Variants in MFN2 observed in about 807,000 individuals in gnomAD.
The protein encoded by MFN2 is mitofusin 2.
Under a neutral mutation model 87.5 loss-of-function variants are expected in MFN2, and 43 were observed. The observed-to-expected ratio is 0.49, with a 90% CI of 0.38 to 0.63. The LOEUF is 0.63. MFN2 is among the 30% of genes least tolerant of loss of function. The probability of loss-of-function intolerance (pLI) is 0.00; values close to 1 mark genes in which losing one functional copy is unlikely to be tolerated. For synonymous variants in MFN2, 337 were observed against 359.9 expected (o/e 0.94, Z 0.72); for missense variants, 743 against 972.8 (o/e 0.76, Z 3.14).
rs1557515779 is a variant in MFN2, at chr1:11,989,187, C to G, written c.19C>G (p.Arg7Gly). Residue 7 changes from arginine to glycine, a missense_variant, in exon 3 of 19, where the codon CGA (arginine) becomes GGA (glycine). Around this residue, in one of 3 missense-constraint regions of MFN2, gnomAD observed 31 missense variants for 23.2 expected, o/e 1.33. Transcript: ENST00000235329. MSLLFS[R>G]CNSIVTVKKN... ...CAGCGCAATGTCCCTGCTCTTCTCT[C>G]GATGCAACTCTATCGTCACAGTCAA... 5.6e-6 allele frequency: 9 copies of G among 1,614,074 alleles called. No individual in the cohort carries two copies. Among genetic ancestry groups the G allele is most frequent in the Non-Finnish European group, 7.6e-6 (9 of 1,180,026 alleles).
At chr1:11,986,233 T>C (rs1221089454) in intron 2 of MFN2, among the ~76,000 whole-genome samples, 3 of 152,234 alleles carry the variant, frequency 2.0e-5, no homozygotes, top group African/African-American at 7.2e-5. Flanking sequence ...TTTCTGCTTT[T>C]CAGGACCTTG....
At chr1:11,999,139 G>A in intron 8 of MFN2, 44 bp downstream of exon 8, 1 of 1,534,858 alleles carries the variant, frequency 6.5e-7, no homozygotes, top group Non-Finnish European at 9.0e-7. Flanking sequence ...AACCCCGAGG[G>A]AGCACTGCCT....
Position 12,004,216 on chromosome 1 carries a change from A to T in MFN2, c.1287+98A>T. On this transcript the variant is annotated intron_variant, in intron 12 of 18. Transcript: ENST00000235329. This position sits in a 1 kb window ranked among gnomAD's most constrained non-coding sequence, Gnocchi z 4.2. ...CCTCTTAGGGACTTCTCAGCCTTTC[A>T]GAAGAAAGTTGTGGCCCTGTTTCAA... 6.6e-7 allele frequency: 1 copy of T among 1,521,894 alleles called. No individual in the cohort carries two copies. The highest frequency in any genetic ancestry group is 9.0e-7 in the Non-Finnish European group (1 of 1,110,626). 94.3% of individuals were successfully genotyped at this position (1,521,894 alleles called of 1,614,324 possible).
intron 8 of MFN2, 137 bp downstream of exon 8, chr1:11,999,232 T>C (rs1639067383): frequency 7.8e-6 from 6 of 771,600 alleles, no homozygotes; most frequent in Non-Finnish European, 1.3e-5. Flanking sequence ...CCAAATACTC[T>C]TCTGTGGTAT....
In MFN2 at chr1:12,003,664, CAAAA is replaced by C. The variant is rs60299433; in HGVS notation, c.1161-315_1161-312del. 7.9e-6 allele frequency among the ~76,000 whole-genome samples: 1 copy of C among 127,280 alleles called. No homozygotes were observed. Among genetic ancestry groups the C allele is most frequent in the Non-Finnish European group, 1.7e-5 (1 of 58,256 alleles). The allele number at this position is 127,280 out of a possible 152,430, so 83.5% of individuals were successfully genotyped here. A position where few individuals can be genotyped will look rare whatever the true frequency, so the allele number is the denominator to read the frequency against. On this transcript the variant is annotated intron_variant, in intron 11 of 18. Coordinates refer to ENST00000235329, the MANE Select transcript of MFN2 (RefSeq NM_014874.4). This position sits in a 1 kb window ranked among gnomAD's most constrained non-coding sequence, Gnocchi z 4.1. Reference sequence around the variant, plus strand: ...GGGCAACAAGAGTGAAACTCCATCTCAAAAAAAAAAAAAAAATCATTTCTGTGAT... The same window carrying C: ...GGGCAACAAGAGTGAAACTCCATCTCAAAAAAAAAAAATCATTTCTGTGAT...
chr1:12,001,727 C>T (rs1639183867), intron 9 of MFN2, 42 bp from the exon 10 acceptor site: 2 of 1,611,340 alleles, frequency 1.2e-6, no homozygotes, highest in Non-Finnish European at 1.7e-6. Context: ...TTTTCCTCTG[C>T]TGCCAAGTTG....
Position 12,011,789 on chromosome 1 carries a change from A to G in MFN2, c.*224A>G. The G allele has an allele frequency of 1.7e-6, 1 of 603,510 alleles. No homozygotes were observed. The highest frequency in any genetic ancestry group is 2.8e-5 in the East Asian group (1 of 35,784). The allele number at this position is 603,510 out of a possible 1,614,324, so 37.4% of individuals were successfully genotyped here. On this transcript the variant is annotated 3_prime_UTR_variant, in exon 19 of 19. Coordinates refer to ENST00000235329, the MANE Select transcript of MFN2 (RefSeq NM_014874.4). ...GCTCATACCCCCAAAGGACACTTTC[A>G]GCGACAGCTATGGACAGCATGGTAC...
rs749714655 is a variant in MFN2 at position 11,996,243 on chromosome 1, C to T, written c.399C>T (p.Phe133=). The change falls in exon 5 of 19, where the codon TTC becomes TTT. Residue 133 remains phenylalanine (F), a synonymous_variant. Transcript: ENST00000235329. ...PSGIGHTTNC[F]LRVEGTDGHE... is the part of the protein sequence containing the mutation. ...GGATTGGCCACACCACCAATTGCTT[C>T]CTGCGGGTAGAGGGCACAGATGGCC... The T allele has an allele frequency of 6.8e-6, 11 of 1,614,226 alleles. No individual in the cohort carries two copies. Among genetic ancestry groups the T allele is most frequent in the Non-Finnish European group, 9.3e-6 (11 of 1,180,034 alleles).
chr1:11,981,306 A>G (rs1645980069), intron 1 of MFN2, among the ~76,000 whole-genome samples: 2 of 152,166 alleles, frequency 1.3e-5, no homozygotes, highest in Non-Finnish European at 2.9e-5. Context: ...GGAGTTGGAG[A>G]CCAGCCTGGC....
intron 2 of MFN2, among the ~76,000 whole-genome samples, chr1:11,987,237 G>A (rs1166070687): frequency 6.6e-6 from 1 of 151,828 alleles, no homozygotes; most frequent in Non-Finnish European, 1.5e-5. Context: ...GCTTGAACCT[G>A]GGAGGTGGAG....
chr1:11,987,374 A>T (rs556541781), intron 2 of MFN2, among the ~76,000 whole-genome samples: 1 of 151,722 alleles, frequency 6.6e-6, no homozygotes, highest in Non-Finnish European at 1.5e-5. Context: ...TCATGCCTGT[A>T]ATCCCAGCAC....
chr1:11,992,780 G>C, intron 4 of MFN2, 90 bp downstream of exon 4: 2 of 1,507,820 alleles, frequency 1.3e-6, no homozygotes, highest in Non-Finnish European at 1.8e-6. Flanking sequence ...TCCAGGCAGG[G>C]ACATGCTTCA....
intron 11 of MFN2, 145 bp downstream of exon 11, chr1:12,002,248 A>T (rs1029585724): frequency 7.3e-7 from 1 of 1,374,560 alleles, no homozygotes; most frequent in Non-Finnish European, 1.0e-6. Flanking sequence ...CCACCAGACC[A>T]TGTTAGAACC....
In MFN2 at chr1:12,004,117, A is replaced by T; in HGVS notation, c.1286A>T (p.Gln429Leu). The T allele has an allele frequency of 6.2e-7, 1 of 1,614,046 alleles. No homozygotes were observed. The change falls in exon 12 of 19, where the codon CAG becomes CTG. Residue 429 changes from glutamine to leucine, a missense_variant and splice_region_variant. Gln to Leu is a moderately radical substitution (Grantham distance 113). This residue lies in a region of MFN2 where 571 missense variants were observed against 670.7 expected (regional missense o/e 0.85). Transcript: ENST00000235329. The surrounding 1 kb of genome is among the most constrained non-coding windows in gnomAD (Gnocchi z 4.2). ...CAGATTACGGAGGAAGTGGAGAGGC[A>T]GGTGAGAAATGAGGAGGAGGCATTC... ...IKQITEEVER[Q>L]VSTAMAEEIR... is the part of the protein sequence containing the mutation.
At chr1:11,995,327 G>A (rs1638864087) in intron 4 of MFN2, among the ~76,000 whole-genome samples, 1 of 152,112 alleles carries the variant, frequency 6.6e-6, no homozygotes, top group Non-Finnish European at 1.5e-5. Context: ...TGAAAGGGGT[G>A]TGATAGGTAA....
chr1:12,005,468 C>T (rs951837455), intron 14 of MFN2, among the ~76,000 whole-genome samples: 2 of 152,210 alleles, frequency 1.3e-5, no homozygotes, highest in African/African-American at 2.4e-5. Context: ...TGGGCCTGCT[C>T]CTTTAAGTCC....
At chr1:11,988,636 A>G (rs1224376854) in intron 2 of MFN2, among the ~76,000 whole-genome samples, 1 of 152,024 alleles carries the variant, frequency 6.6e-6, no homozygotes, top group Non-Finnish European at 1.5e-5. Flanking sequence ...CCTGGGCTCA[A>G]GTGACCCTCC....
At chr1:11,991,910 C>A (rs369301591) in intron 3 of MFN2, among the ~76,000 whole-genome samples, 2,354 of 96,248 alleles carry the variant, frequency 0.024, 101 homozygotes, top group African/African-American at 0.093. Flanking sequence ...GGCGACAGAG[C>A]GAGACTCCGT....
chr1:12,013,269 C>T lies in MFN2; in HGVS notation c.*1704C>T, dbSNP rs1196256602. 7.4e-6 allele frequency: 3 copies of T among 408,002 alleles called. No individual in the cohort carries two copies. The highest frequency in any genetic ancestry group is 8.3e-5 in the East Asian group (1 of 11,996). The allele number at this position is 408,002 out of a possible 1,614,324, so 25.3% of individuals were successfully genotyped here. On this transcript the variant is annotated 3_prime_UTR_variant, in exon 19 of 19. Coordinates refer to ENST00000235329, the MANE Select transcript of MFN2 (RefSeq NM_014874.4). ...CCTGGGGAATGAATGAAATTTTGAG[C>T]TTCTTCAATACGTAAAATTAAATTT...
Sources: gnomAD v4.1 joint callset for allele counts (sites outside exome capture counted in the v4.1 genomes callset) on GRCh38, gnomAD v4.1.1 for gene constraint, gnomAD v4.1.1 regional missense constraint, Gnocchi (gnomAD v3.1) non-coding constraint, MANE v1.5 for transcripts, NCBI Gene and HGNC (gene_info 2026-07-23, HGNC 2026-07-21) for gene names.